The following VARS1 variants were observed in gnomAD, a reference collection of about 807,000 sequenced individuals.
VARS1 encodes the protein valine--tRNA ligase.
A neutral mutation model predicts 161.0 loss-of-function variants in VARS1; 92 were observed. The observed-to-expected ratio is 0.57, with a 90% CI of 0.48 to 0.68. The LOEUF is 0.68. Ranked by LOEUF, VARS1 falls within the 30% of genes least tolerant of loss-of-function variation. VARS1 has a pLI of 0.00. For synonymous variants in VARS1, 595 were observed against 682.5 expected (o/e 0.87, Z 2.00); for missense variants, 1,338 against 1,695.9 (o/e 0.79, Z 3.71).
At position 31,780,024 on chromosome 6, in the gene VARS1, G is replaced by T. The variant is rs960151039; in HGVS notation, c.3055C>A (p.Leu1019Ile). 1.9e-6 allele frequency: 3 copies of T among 1,613,938 alleles called. No individual in the cohort carries two copies. The highest frequency in any genetic ancestry group is 2.7e-5 in the African/African-American group (2 of 74,900). ...AAGTAGACATCACAGAGCTCATAGA[G>T]CCAGAAGCTGTACTGGGCAGTGGTG... is the stretch of plus-strand genomic sequence containing the variant. ...AVTTAQYSFW[L>I]YELCDVYLEC... The change falls in exon 26 of 30, where the codon CTC becomes ATC. Residue 1019 changes from leucine (L) to isoleucine (I), a missense_variant. By Grantham distance (5) the Leu-to-Ile change is conservative (BLOSUM62 2). This residue lies in a region of VARS1 where 433 missense variants were observed against 586.2 expected (regional missense o/e 0.74). Coordinates refer to ENST00000375663, the MANE Select transcript of VARS1 (RefSeq NM_006295.3). The surrounding 1 kb of genome is among the most constrained non-coding windows in gnomAD (Gnocchi z 5.1).
rs1331435981 is a variant in VARS1, at chr6:31,794,767, A to T, written c.387+64T>A. 2.0e-6 allele frequency: 3 copies of T among 1,495,430 alleles called. No individual in the cohort carries two copies. In the African/African-American group the frequency reaches 4.2e-5, roughly 21 times the overall value. 92.6% of individuals were successfully genotyped at this position (1,495,430 alleles called of 1,614,324 possible). ...GTACTACCTTCTTGTCTCATTGTCC[A>T]TTCCAGTCCTCGCTTCCCTCCTCTG... On this transcript the variant is annotated intron_variant, in intron 2 of 29. Coordinates refer to ENST00000375663, the MANE Select transcript of VARS1 (RefSeq NM_006295.3).
chr6:31,795,409 T>G lies in VARS1; in HGVS notation c.-34+137A>C. ...GGCTGTCAGGAGCCGAGGACCTGGC[T>G]CTCAGAGGGGCAGTGTCAGTGGGGA... On this transcript the variant is annotated intron_variant, in intron 1 of 29. Coordinates refer to ENST00000375663, the MANE Select transcript of VARS1 (RefSeq NM_006295.3). The surrounding 1 kb of genome is among the most constrained non-coding windows in gnomAD (Gnocchi z 6.9). 1 of 423,518 alleles carries G rather than the reference T, an allele frequency of 2.4e-6. No homozygotes were observed. Among genetic ancestry groups the G allele is most frequent in the Non-Finnish European group, 4.0e-6 (1 of 248,712 alleles). 26.2% of individuals were successfully genotyped at this position (423,518 alleles called of 1,614,324 possible).
At position 31,779,318 on chromosome 6, in the gene VARS1, C is replaced by G; in HGVS notation, c.3401-26G>C. 1 of 1,600,900 alleles carries G rather than the reference C, an allele frequency of 6.2e-7. No individual in the cohort carries two copies. Among genetic ancestry groups the G allele is most frequent in the Non-Finnish European group, 8.5e-7 (1 of 1,179,216 alleles). ...CTGCCAGGGAGGGAGAAAGGTGAGGCCTAGCTCCATGGAGACAGGAAACCA... is the reference window on the plus strand; with the variant it reads ...CTGCCAGGGAGGGAGAAAGGTGAGGGCTAGCTCCATGGAGACAGGAAACCA... On this transcript the variant is annotated intron_variant, in intron 28 of 29. Transcript: ENST00000375663. This position sits in a 1 kb window ranked among gnomAD's most constrained non-coding sequence, Gnocchi z 9.1.
intron 8 of VARS1, among the ~76,000 whole-genome samples, chr6:31,788,482 G>A (rs964586691): frequency 1.4e-5 from 2 of 140,456 alleles, no homozygotes; most frequent in African/African-American, 5.0e-5. Context: ...GAAACCGAGA[G>A]AGACTCTGTC....
Position 31,795,345 on chromosome 6 carries a change from G to A in VARS1, c.-33-95C>T, listed in dbSNP as rs56307175. 1 of 877,068 alleles carries A rather than the reference G, an allele frequency of 1.1e-6. No homozygotes were observed. The highest frequency in any genetic ancestry group is 1.5e-6 in the Non-Finnish European group (1 of 652,802). 54.3% of individuals were successfully genotyped at this position (877,068 alleles called of 1,614,324 possible). ...CCCTCACGGGAGCTCCTTCGCCGCAGACACCCGAGTCCCATAGGACTGAGG... is the reference window on the plus strand; with the variant it reads ...CCCTCACGGGAGCTCCTTCGCCGCAAACACCCGAGTCCCATAGGACTGAGG... On this transcript the variant is annotated intron_variant, in intron 1 of 29. Coordinates refer to ENST00000375663, the MANE Select transcript of VARS1 (RefSeq NM_006295.3). The surrounding 1 kb of genome is among the most constrained non-coding windows in gnomAD (Gnocchi z 6.9).
Position 31,779,245 on chromosome 6 carries a change from C to G in VARS1, c.3448G>C (p.Val1150Leu). ...DEATGALASA[V>L]SGYVQALASA... ...GCCAGGGCCTGCACGTAGCCCGACA[C>G]CGCCGATGCCAGGGCGCCCGTGGCC... The change falls in exon 29 of 30, where the codon GTG becomes CTG. Residue 1150 changes from valine to leucine, a missense_variant. Val to Leu is a conservative substitution (Grantham distance 32, BLOSUM62 1). This residue lies in a region of VARS1 where 433 missense variants were observed against 586.2 expected (regional missense o/e 0.74). Transcript: ENST00000375663. The surrounding 1 kb of genome is among the most constrained non-coding windows in gnomAD (Gnocchi z 9.1). 6.2e-7 allele frequency: 1 copy of G among 1,605,466 alleles called. No individual in the cohort carries two copies. Among genetic ancestry groups the G allele is most frequent in the South Asian group, 1.1e-5 (1 of 90,962 alleles).
intron 2 of VARS1, 28 bp downstream of exon 2, chr6:31,794,803 C>T: frequency 6.6e-7 from 1 of 1,515,944 alleles, no homozygotes; most frequent in Non-Finnish European, 8.9e-7. Flanking sequence ...AATTTCTCCC[C>T]TCCCCCTCTT....
In VARS1 at chr6:31,779,117, CT is replaced by C. The variant is rs1812939620; in HGVS notation, c.3575del (p.Gln1192ArgfsTer?). On this transcript the variant is annotated frameshift_variant, in exon 29 of 30. Transcript: ENST00000375663. LOFTEE classifies it high-confidence loss of function. This position sits in a 1 kb window ranked among gnomAD's most constrained non-coding sequence, Gnocchi z 9.1. Reference sequence around the variant, plus strand: ...GCTCCCGTGCAGGGTCCACCAGCCCCTGAAGCTGCAGGTGGATGGAGCAGCG... The same window carrying C: ...GCTCCCGTGCAGGGTCCACCAGCCCCGAAGCTGCAGGTGGATGGAGCAGCG... The part of the protein sequence containing the change: ...SDRCSIHLQL[Q>X]GLVDPARELG... 1 of 1,608,676 alleles carries C rather than the reference CT, an allele frequency of 6.2e-7. No individual in the cohort carries two copies. Among genetic ancestry groups the C allele is most frequent in the Non-Finnish European group, 8.5e-7 (1 of 1,177,692 alleles).
At chr6:31,794,685 AG>A (rs1459009295) in intron 2 of VARS1, 145 bp downstream of exon 2, 78 of 1,171,740 alleles carry the variant, frequency 6.7e-5, no homozygotes, top group Admixed American at 1.4e-4. Flanking sequence ...AAACGTGCCC[AG>A]GGTTACCATA....
At chr6:31,789,043 T>C (rs1813703502) in intron 8 of VARS1, among the ~76,000 whole-genome samples, 1 of 151,978 alleles carries the variant, frequency 6.6e-6, no homozygotes, top group South Asian at 2.1e-4. Flanking sequence ...AATGGTAAAG[T>C]TATTTTAAAA....
chr6:31,785,396 G>A lies in VARS1; in HGVS notation c.1266-69C>T. ...AGGGAGACATCAGGTGGCTGACTGG[G>A]CAGTGTGGAGATCACCCATCCCCCT... On this transcript the variant is annotated intron_variant, in intron 9 of 29. Coordinates refer to ENST00000375663, the MANE Select transcript of VARS1 (RefSeq NM_006295.3). This position sits in a 1 kb window ranked among gnomAD's most constrained non-coding sequence, Gnocchi z 6.1. 6.3e-7 allele frequency: 1 copy of A among 1,591,262 alleles called. No homozygotes were observed. Among genetic ancestry groups the A allele is most frequent in the Non-Finnish European group, 8.6e-7 (1 of 1,164,020 alleles).
At chr6:31,794,221 G>C (rs1814103670) in intron 2 of VARS1, among the ~76,000 whole-genome samples, 1 of 152,092 alleles carries the variant, frequency 6.6e-6, no homozygotes, top group South Asian at 2.1e-4. Context: ...CTCTATTGTA[G>C]ATAGGGTGAT....
In VARS1 at chr6:31,777,735, A is replaced by G; in HGVS notation, c.3727-73T>C. 10 of 1,549,214 alleles carry G rather than the reference A, an allele frequency of 6.5e-6. No individual in the cohort carries two copies. Among genetic ancestry groups the G allele is most frequent in the Non-Finnish European group, 8.8e-6 (10 of 1,137,966 alleles). On this transcript the variant is annotated intron_variant, in intron 29 of 29. Coordinates refer to ENST00000375663, the MANE Select transcript of VARS1 (RefSeq NM_006295.3). The surrounding 1 kb of genome is among the most constrained non-coding windows in gnomAD (Gnocchi z 5.8). The stretch of plus-strand genomic sequence containing the variant: ...GACCCCCAAACACCCAGGACAACAA[A>G]GTTGGAAAGATGAGCGAGGACCATG...
In VARS1 at chr6:31,781,436, G is replaced by A. The variant is rs759496749; in HGVS notation, c.2544+45C>T. On this transcript the variant is annotated intron_variant, in intron 21 of 29. Transcript: ENST00000375663. This position sits in a 1 kb window ranked among gnomAD's most constrained non-coding sequence, Gnocchi z 6.8. The stretch of plus-strand genomic sequence containing the variant: ...TCTGCGCTGCAGCACAGGACGGTAG[G>A]AGAGGAGGCTGGGGGCGATGGGAGG... 2.2e-5 allele frequency: 36 copies of A among 1,603,070 alleles called. No individual in the cohort carries two copies. The highest frequency in any genetic ancestry group is 4.2e-6 in the Non-Finnish European group (5 of 1,176,908).
In VARS1 at chr6:31,783,111, T is replaced by G. The variant is rs754969412; in HGVS notation, c.1747A>C (p.Met583Leu). 1 of 1,612,628 alleles carries G rather than the reference T, an allele frequency of 6.2e-7. No homozygotes were observed. The highest frequency in any genetic ancestry group is 1.6e-4 in the Middle Eastern group (1 of 6,062). The change falls in exon 14 of 30, where the codon ATG becomes CTG. Residue 583 changes from methionine (M) to leucine (L), a missense_variant. Met to Leu is a conservative substitution (Grantham distance 15). Coordinates refer to ENST00000375663, the MANE Select transcript of VARS1 (RefSeq NM_006295.3). ...CCTTGCCCACCTGTGCCAAAGTCCATGTCCACAAATTCATCGAAGACAATG... is the reference window on the plus strand; with the variant it reads ...CCTTGCCCACCTGTGCCAAAGTCCAGGTCCACAAATTCATCGAAGACAATG... ...LPIVFDEFVD[M>L]DFGTGAVKIT...
Position 31,780,599 on chromosome 6 carries a change from C to G in VARS1, c.2798-31G>C. On this transcript the variant is annotated intron_variant, in intron 24 of 29. Transcript: ENST00000375663. This position sits in a 1 kb window ranked among gnomAD's most constrained non-coding sequence, Gnocchi z 5.1. The stretch of plus-strand genomic sequence containing the variant: ...TCGGGGGTGAGATGTGAGTCCTCAT[C>G]ACCCTCTTCCCAGCCCATGCCCACC... 1.2e-6 allele frequency: 2 copies of G among 1,611,474 alleles called. No homozygotes were observed. The highest frequency in any genetic ancestry group is 1.7e-6 in the Non-Finnish European group (2 of 1,178,124).
intron 13 of VARS1, among the ~76,000 whole-genome samples, chr6:31,783,625 T>G: frequency 6.6e-6 from 1 of 151,228 alleles, no homozygotes; most frequent in Non-Finnish European, 1.5e-5. Context: ...GAGTTCAAGA[T>G]CAGCATGGTT....
In VARS1 at chr6:31,781,754, ATCC is replaced by A. The variant is rs1419117835; in HGVS notation, c.2352_2354del (p.Glu784del). 1.2e-6 allele frequency: 2 copies of A among 1,613,050 alleles called. No homozygotes were observed. The highest frequency in any genetic ancestry group is 1.7e-6 in the Non-Finnish European group (2 of 1,180,012). ...CAGAGGAGAACCAGGTATCCAATAC[ATCC>A]TCATCTGAGAGAGGCCAAAGGTCAG... On this transcript the variant is annotated inframe_deletion, in exon 20 of 30. Transcript: ENST00000375663. The surrounding 1 kb of genome is among the most constrained non-coding windows in gnomAD (Gnocchi z 6.8).
Position 31,780,440 on chromosome 6 carries a change from C to T in VARS1, c.2925+1G>A. On this transcript the variant is annotated splice_donor_variant, in intron 25 of 29. Transcript: ENST00000375663. LOFTEE classifies it high-confidence loss of function. The surrounding 1 kb of genome is among the most constrained non-coding windows in gnomAD (Gnocchi z 5.1). ...AGCTTTGCTGCCCACCAGGCCCTTA[C>T]CTGGGAGGTGGGTGAGGGCACAAAA... is the stretch of plus-strand genomic sequence containing the variant. 1 of 1,612,092 alleles carries T rather than the reference C, an allele frequency of 6.2e-7. No homozygotes were observed. The highest frequency in any genetic ancestry group is 8.5e-7 in the Non-Finnish European group (1 of 1,179,002).
Sources: allele counts gnomAD v4.1 joint callset (sites outside exome capture counted in the v4.1 genomes callset), GRCh38; gene constraint gnomAD v4.1.1; regional missense constraint gnomAD v4.1.1; non-coding constraint Gnocchi (gnomAD v3.1); transcripts MANE v1.5; gene names NCBI Gene and HGNC (gene_info 2026-07-23, HGNC 2026-07-21).